Variants in AMTN observed in about 807,000 individuals in gnomAD.
The protein encoded by AMTN is RSTI689.
In AMTN, 29 loss-of-function variants were observed where a neutral mutation model predicts 27.4. The observed-to-expected ratio is 1.06, with a 90% confidence interval of 0.79 to 1.44. The LOEUF is 1.44. Ranked by LOEUF, AMTN falls within the 40% of genes most tolerant of loss-of-function variation. The probability of loss-of-function intolerance (pLI) is 0.00; values close to 1 mark genes in which losing one functional copy is unlikely to be tolerated. For missense variants in AMTN, 247 were observed against 248.8 expected, an observed-to-expected ratio of 0.99 and a Z score of 0.05; for synonymous variants, 86 against 95.7, an observed-to-expected ratio of 0.90 and a Z score of 0.59.
chr4:70,522,594 T>C (rs1736000096), intron 2 of AMTN, among the ~76,000 whole-genome samples, 161 bp from the exon 3 acceptor site: 1 of 152,166 alleles, frequency 6.6e-6, no homozygotes, highest in Admixed American at 6.5e-5. Context: ...CCACTCTACA[T>C]GTCCTACCAT....
Position 70,529,226 on chromosome 4 carries a change from A to G in AMTN, c.357+16A>G. The G allele has an allele frequency of 1.3e-6, 2 of 1,523,718 alleles. No individual in the cohort carries two copies. Among genetic ancestry groups the G allele is most frequent in the African/African-American group, 2.8e-5 (2 of 71,152 alleles). The allele number at this position is 1,523,718 out of a possible 1,614,324, so 94.4% of individuals were successfully genotyped here. ...AGAGGAATTGGTAAAAAAAATAAAA[A>G]TACTATTTCAAATTATTTTCACTTC... On this transcript the variant is annotated intron_variant, in intron 7 of 8. Transcript: ENST00000339336.
intron 7 of AMTN, among the ~76,000 whole-genome samples, chr4:70,530,041 C>T (rs1736188420): frequency 6.6e-6 from 1 of 152,086 alleles, no homozygotes; most frequent in African/African-American, 2.4e-5. Context: ...ATATTTTTGA[C>T]CCAGCTTTAC....
intron 5 of AMTN, among the ~76,000 whole-genome samples, chr4:70,526,915 C>T (rs1037891138): frequency 1.3e-5 from 2 of 152,210 alleles, no homozygotes; most frequent in African/African-American, 2.4e-5. Context: ...GCTCTAGTCC[C>T]TCCAACCCTG....
Position 70,532,688 on chromosome 4 carries a change from A to G in AMTN, c.*223A>G. On this transcript the variant is annotated 3_prime_UTR_variant, in exon 9 of 9. Coordinates refer to ENST00000339336, the MANE Select transcript of AMTN (RefSeq NM_212557.4). ...TTCAATGGATAAATCTGTCTTTGAA[A>G]TATAACATTATGCTGCCTGGATGAT... The G allele has an allele frequency of 2.1e-6, 1 of 485,094 alleles. No homozygotes were observed. The highest frequency in any genetic ancestry group is 3.4e-5 in the East Asian group (1 of 29,294). 30.0% of individuals were successfully genotyped at this position (485,094 alleles called of 1,614,324 possible).
Position 70,524,913 on chromosome 4 carries a change from C to T in AMTN, c.246C>T (p.His82=). ...GAATGACACCTGGTACCCAGACCCA[C>T]CCATTGACCCTGGGAGGGTTGAATG... ...AAGMTPGTQT[H]PLTLGGLNVQ... Residue 82 remains histidine (H), a synonymous_variant, in exon 5 of 9, where the codon CAC becomes CAT. Coordinates refer to ENST00000339336, the MANE Select transcript of AMTN (RefSeq NM_212557.4). The T allele has an allele frequency of 1.9e-6, 3 of 1,614,078 alleles. No homozygotes were observed. The highest frequency in any genetic ancestry group is 2.5e-6 in the Non-Finnish European group (3 of 1,179,952).
At position 70,525,804 on chromosome 4, in the gene AMTN, G is replaced by A. The variant is rs572588593; in HGVS notation, c.294+843G>A. On this transcript the variant is annotated intron_variant, in intron 5 of 8. Coordinates refer to ENST00000339336, the MANE Select transcript of AMTN (RefSeq NM_212557.4). Reference sequence around the variant, plus strand: ...AGTCCCAAGTACTCGGGAGGCTGAGGTGGGAGGATCACTTGAGCAAGGGAG... The same window carrying A: ...AGTCCCAAGTACTCGGGAGGCTGAGATGGGAGGATCACTTGAGCAAGGGAG... 2.6e-5 allele frequency among the ~76,000 whole-genome samples: 4 copies of A among 152,276 alleles called. No individual in the cohort carries two copies. In the South Asian group the frequency reaches 8.3e-4, roughly 32 times the overall value.
At chr4:70,526,531 A>G (rs926496453) in intron 5 of AMTN, among the ~76,000 whole-genome samples, 2 of 152,186 alleles carry the variant, frequency 1.3e-5, no homozygotes, top group African/African-American at 4.8e-5. Flanking sequence ...CACACAAAGT[A>G]TCTTGATAAT....
intron 2 of AMTN, among the ~76,000 whole-genome samples, chr4:70,521,986 C>T (rs1467502946): frequency 6.6e-6 from 1 of 152,146 alleles, no homozygotes; most frequent in East Asian, 1.9e-4. Flanking sequence ...TCCAGGGTAA[C>T]CTTAGATGAC....
chr4:70,527,871 T>A lies in AMTN; in HGVS notation c.295-852T>A, dbSNP rs184351474. ...TGAACTAAATTTATAATATTTAGTT[T>A]GTTATCAGTGACCCTTGAATTATTT... On this transcript the variant is annotated intron_variant, in intron 5 of 8. Transcript: ENST00000339336. Among the ~76,000 whole-genome samples the A allele has an allele frequency of 1.0e-3, 158 of 152,298 alleles. 3 individuals are homozygous for A. The highest frequency in any genetic ancestry group is 3.5e-3 in the African/African-American group (146 of 41,560).
intron 5 of AMTN, among the ~76,000 whole-genome samples, chr4:70,527,736 G>T (rs1318147241): frequency 6.6e-6 from 1 of 152,140 alleles, no homozygotes; most frequent in Non-Finnish European, 1.5e-5. Flanking sequence ...ATAGAAATAA[G>T]AATAAATTTT....
chr4:70,531,763 C>T lies in AMTN; in HGVS notation c.619+463C>T, dbSNP rs142611634. Among the ~76,000 whole-genome samples the T allele has an allele frequency of 7.3e-3, 1,112 of 152,288 alleles. 16 individuals are homozygous for T. The highest frequency in any genetic ancestry group is 0.025 in the African/African-American group (1,036 of 41,554). ...CTGACCTCAAGTGATGCACCCACCT[C>T]GGCCTCCCAAAGTGCTGGGATTACA... is the stretch of plus-strand genomic sequence containing the variant. On this transcript the variant is annotated intron_variant, in intron 8 of 8. Coordinates refer to ENST00000339336, the MANE Select transcript of AMTN (RefSeq NM_212557.4).
Position 70,531,135 on chromosome 4 carries a change from A to G in AMTN, c.454A>G (p.Ser152Gly). The G allele has an allele frequency of 1.2e-6, 2 of 1,614,002 alleles. No homozygotes were observed. The highest frequency in any genetic ancestry group is 1.7e-6 in the Non-Finnish European group (2 of 1,179,962). ...AGANPDVQDG[S>G]LPAGGAGVNP... ...GGCTAATCCAGATGTCCAGGATGGA[A>G]GCCTTCCAGCAGGAGGAGCAGGTGT... Residue 152 changes from serine (S) to glycine (G), a missense_variant, in exon 8 of 9, where the codon AGC becomes GGC. Physicochemically the swap from Ser to Gly is moderately conservative, Grantham distance 56 (BLOSUM62 0). Coordinates refer to ENST00000339336, the MANE Select transcript of AMTN (RefSeq NM_212557.4).
rs776835800 is a variant in AMTN at position 70,518,575 on chromosome 4, G to A, written c.-95G>A. On this transcript the variant is annotated 5_prime_UTR_variant, in exon 1 of 9. Coordinates refer to ENST00000339336, the MANE Select transcript of AMTN (RefSeq NM_212557.4). ...TTCTACAAACACATACATCATTGAA[G>A]GGTAAAATTTTTCACCAGAGTAAAC... 9.9e-5 allele frequency: 54 copies of A among 546,724 alleles called. No homozygotes were observed. The highest frequency in any genetic ancestry group is 5.0e-4 in the Middle Eastern group (1 of 2,016). 33.9% of individuals were successfully genotyped at this position (546,724 alleles called of 1,614,324 possible).
In AMTN at chr4:70,531,217, A is replaced by G; in HGVS notation, c.536A>G (p.Asp179Gly). ...AGRLPTPSGTDDDFAVTTPAG... is the reference protein window; with the variant it reads ...AGRLPTPSGTGDDFAVTTPAG... The stretch of plus-strand genomic sequence containing the variant: ...CGCCTCCCAACTCCCAGTGGCACAG[A>G]TGACGACTTTGCAGTGACCACCCCT... The change falls in exon 8 of 9, where the codon GAT becomes GGT. Residue 179 changes from aspartate (D) to glycine (G), a missense_variant. By Grantham distance (94) the Asp-to-Gly change is moderately conservative. Coordinates refer to ENST00000339336, the MANE Select transcript of AMTN (RefSeq NM_212557.4). The G allele has an allele frequency of 6.2e-7, 1 of 1,614,106 alleles. No individual in the cohort carries two copies. The highest frequency in any genetic ancestry group is 8.5e-7 in the Non-Finnish European group (1 of 1,180,002).
intron 4 of AMTN, 143 bp from the exon 5 acceptor site, chr4:70,524,729 A>G: frequency 6.7e-6 from 5 of 747,326 alleles, no homozygotes; most frequent in Non-Finnish European, 1.1e-5. Context: ...CTTTGTGTCT[A>G]AGTATACATG....
At chr4:70,519,608 C>T (rs2109767670) in intron 2 of AMTN, among the ~76,000 whole-genome samples, 1 of 152,102 alleles carries the variant, frequency 6.6e-6, no homozygotes, top group Admixed American at 6.6e-5. Flanking sequence ...TTCTATATGC[C>T]AGACATTGTG....
chr4:70,526,986 C>G (rs749570628), intron 5 of AMTN, among the ~76,000 whole-genome samples: 4 of 152,062 alleles, frequency 2.6e-5, no homozygotes, highest in Admixed American at 1.3e-4. Flanking sequence ...ACTGGTGGCT[C>G]GCATTTATCA....
intron 2 of AMTN, among the ~76,000 whole-genome samples, chr4:70,521,332 A>G (rs1160533192): frequency 6.7e-6 from 1 of 149,948 alleles, no homozygotes; most frequent in Non-Finnish European, 1.5e-5. Context: ...GTGAGCCAAG[A>G]TCACTCCATT....
chr4:70,519,991 A>T (rs1024877831), intron 2 of AMTN, among the ~76,000 whole-genome samples: 2 of 142,268 alleles, frequency 1.4e-5, no homozygotes, highest in African/African-American at 5.1e-5. Context: ...TTTTCTAAAC[A>T]AGGTAAAGTA....
Sources: allele counts gnomAD v4.1 joint callset (sites outside exome capture counted in the v4.1 genomes callset), GRCh38; gene constraint gnomAD v4.1.1; transcripts MANE v1.5; gene names NCBI Gene and HGNC (gene_info 2026-07-23, HGNC 2026-07-21).